QTGAL: variants seen among roughly 807,000 people sequenced by gnomAD.
QTGAL encodes BGnT-like protein 1.
At chr17:83,051,175 TGTGCAGGGCAGGC>T in the QTGAL span, among the ~76,000 whole-genome samples, 7 of 109,276 alleles carry the variant, frequency 6.4e-5, no homozygotes, top group Non-Finnish European at 1.3e-4. Context: ...GCGGGGCAGG[TGTGCAGGGCAGGC>T]GTGCAGGGGC....
chr17:83,031,500 G>A, the QTGAL span, among the ~76,000 whole-genome samples: 151 of 152,202 alleles, frequency 9.9e-4, 6 homozygotes, highest in Non-Finnish European at 1.8e-3. Context: ...CGGGTCCCTC[G>A]CAGGACTGGC....
chr17:83,032,964 G>A, the QTGAL span, among the ~76,000 whole-genome samples: 1 of 152,206 alleles, frequency 6.6e-6, no homozygotes, highest in Non-Finnish European at 1.5e-5. Context: ...AAAAGAGCTG[G>A]GTCAGGAGGA....
At chr17:83,050,795 G>T in the QTGAL span, among the ~76,000 whole-genome samples, 1 of 141,680 alleles carries the variant, frequency 7.1e-6, no homozygotes, top group Non-Finnish European at 1.6e-5. Flanking sequence ...ACAGGCAGGT[G>T]TGTGGGCACG....
At chr17:82,957,225 C>G in the QTGAL span, 1 of 1,614,186 alleles carries the variant, frequency 6.2e-7, no homozygotes, top group Non-Finnish European at 8.5e-7. Flanking sequence ...ATCTTGTTCT[C>G]GTCCACGTCA....
chr17:82,984,092 A>C, the QTGAL span, among the ~76,000 whole-genome samples: 1 of 111,972 alleles, frequency 8.9e-6, no homozygotes, highest in Non-Finnish European at 1.9e-5. Context: ...ACGTGAGCAC[A>C]CGGGGGAGAG....
At chr17:82,952,155 T>C in the QTGAL span, among the ~76,000 whole-genome samples, 1 of 152,232 alleles carries the variant, frequency 6.6e-6, no homozygotes, top group African/African-American at 2.4e-5. Context: ...TGCCTGGACT[T>C]GACTTGGATT....
chr17:82,948,540 ACG>A, the QTGAL span: 1 of 152,402 alleles, frequency 6.6e-6, no homozygotes, highest in African/African-American at 2.4e-5. Flanking sequence ...GCACAGCGAT[ACG>A]CACACACCCC....
the QTGAL span, among the ~76,000 whole-genome samples, chr17:82,973,169 G>A: frequency 1.3e-5 from 2 of 152,168 alleles, no homozygotes; most frequent in Non-Finnish European, 2.9e-5. Context: ...ACACTGTACC[G>A]AGACCAAAGG....
the QTGAL span, among the ~76,000 whole-genome samples, chr17:82,995,751 C>T: frequency 2.3e-3 from 343 of 152,156 alleles, 3 homozygotes; most frequent in African/African-American, 7.9e-3. Flanking sequence ...ATCTCATTTA[C>T]AATAGCTACA....
At chr17:82,982,673 CCAGTT>C in the QTGAL span, among the ~76,000 whole-genome samples, 2 of 152,252 alleles carry the variant, frequency 1.3e-5, no homozygotes, top group East Asian at 3.9e-4. Context: ...TATAAGCCAC[CCAGTT>C]TATGGTATTT....
chr17:83,026,704 C>T, the QTGAL span, among the ~76,000 whole-genome samples: 5 of 126,358 alleles, frequency 4.0e-5, no homozygotes, highest in South Asian at 2.6e-4. Flanking sequence ...AACCCACCCT[C>T]GACAGACACG....
chr17:82,949,696 C>T, the QTGAL span: 52 of 152,184 alleles, frequency 3.4e-4, 1 homozygote, highest in African/African-American at 1.2e-3. Context: ...AAAGGTCACA[C>T]GGACGCTGCC....
At chr17:83,044,523 A>G in the QTGAL span, among the ~76,000 whole-genome samples, 1 of 152,382 alleles carries the variant, frequency 6.6e-6, no homozygotes, top group East Asian at 1.9e-4. Context: ...ACCTACAGCT[A>G]ACGTCATATT....
the QTGAL span, among the ~76,000 whole-genome samples, chr17:82,990,642 T>C: frequency 0.53 from 79,883 of 152,136 alleles, 23,086 homozygotes; most frequent in African/African-American, 0.79. Context: ...ATTTTAGATT[T>C]GGGGATTTTG....
the QTGAL span, among the ~76,000 whole-genome samples, chr17:83,043,240 C>T: frequency 1.7e-4 from 26 of 152,280 alleles, no homozygotes; most frequent in Non-Finnish European, 2.5e-4. Context: ...GTGTGCACAG[C>T]GCATTCTCCA....
At chr17:82,956,574 T>A in the QTGAL span, 12 of 1,153,798 alleles carry the variant, frequency 1.0e-5, no homozygotes, top group Non-Finnish European at 1.2e-5. The surrounding 1 kb of genome is among the most constrained non-coding windows in gnomAD (Gnocchi z 5.7). Context: ...CCTGTCCCCA[T>A]GCCCACCATC....
chr17:82,987,222 T>A, the QTGAL span, among the ~76,000 whole-genome samples: 1 of 152,236 alleles, frequency 6.6e-6, no homozygotes, highest in African/African-American at 2.4e-5. Flanking sequence ...TATATACACC[T>A]ACTATGTGTC....
At chr17:82,963,383 A>G in the QTGAL span, among the ~76,000 whole-genome samples, 4 of 152,172 alleles carry the variant, frequency 2.6e-5, no homozygotes, top group Non-Finnish European at 4.4e-5. Flanking sequence ...CGGGGACAGA[A>G]GGGGGAGAGC....
At chr17:83,031,491 G>A in the QTGAL span, among the ~76,000 whole-genome samples, 3 of 152,140 alleles carry the variant, frequency 2.0e-5, no homozygotes, top group African/African-American at 7.2e-5. Flanking sequence ...GAGCACCCAC[G>A]GGTCCCTCGC....
Sources: allele counts gnomAD v4.1 joint callset (sites outside exome capture counted in the v4.1 genomes callset), GRCh38; gene constraint gnomAD v4.1.1; non-coding constraint Gnocchi (gnomAD v3.1); transcripts MANE v1.5; gene names NCBI Gene and HGNC (gene_info 2026-07-23, HGNC 2026-07-21).